The following LEPR variants were observed in gnomAD, a reference collection of about 807,000 sequenced individuals.
The protein encoded by LEPR is OB receptor.
LEPR carries 56 observed loss-of-function variants against 114.7 expected under a neutral mutation model. That is an observed-to-expected ratio of 0.49 (90% CI 0.39 to 0.61). The LOEUF (loss-of-function observed/expected upper bound fraction) is 0.61, where lower values mean the gene tolerates loss of function less well. Among genes scored for constraint, LEPR ranks in the 20% least tolerant of loss-of-function variants. The pLI, the probability that LEPR is intolerant of heterozygous loss-of-function variation, is 0.00. For missense variants in LEPR, 1,202 were observed against 1,352.9 expected (o/e 0.89, Z 1.75); for synonymous variants, 443 against 461.4 (o/e 0.96, Z 0.51).
In LEPR at chr1:65,616,120, T is replaced by C; in HGVS notation, c.2108T>C (p.Phe703Ser). The stretch of plus-strand genomic sequence containing the variant: ...GTGGGAAATCACACGAAATTCACTT[T>C]CCTGTGGACAGAGCAAGCACATACT... ...EDVGNHTKFTFLWTEQAHTVT... is the reference protein window; with the variant it reads ...EDVGNHTKFTSLWTEQAHTVT... The change falls in exon 15 of 20, where the codon TTC (phenylalanine) becomes TCC (serine). Residue 703 changes from phenylalanine (F) to serine (S), a missense_variant. Transcript: ENST00000349533. 6.2e-7 allele frequency: 1 copy of C among 1,614,196 alleles called. No homozygotes were observed. The highest frequency in any genetic ancestry group is 8.5e-7 in the Non-Finnish European group (1 of 1,180,016).
intron 2 of LEPR, among the ~76,000 whole-genome samples, chr1:65,518,901 C>CT (rs1649451603): frequency 1.1e-5 from 1 of 93,920 alleles, no homozygotes; most frequent in Admixed American, 1.2e-4. Context: ...TTCTTTCTTT[C>CT]TTTCTTTCTT....
At chr1:65,625,588 G>T (rs1200170448) in intron 19 of LEPR, among the ~76,000 whole-genome samples, 1 of 152,086 alleles carries the variant, frequency 6.6e-6, no homozygotes, top group Non-Finnish European at 1.5e-5. Flanking sequence ...TAAACTACAT[G>T]TTGTGAAAGA....
In LEPR at chr1:65,619,931, A is replaced by G; in HGVS notation, c.2399A>G (p.His800Arg). ...TTTTACGTATTTTTCTCCTCAGATC[A>G]TTTTATCCCCATTGAGAAGTACCAG... ...SSVKKYYIHD[H>R]FIPIEKYQFS... Residue 800 changes from histidine (H) to arginine (R), a missense_variant, in exon 17 of 20, where the codon CAT becomes CGT. Transcript: ENST00000349533. The G allele has an allele frequency of 6.2e-7, 1 of 1,611,640 alleles. No individual in the cohort carries two copies. Among genetic ancestry groups the G allele is most frequent in the Non-Finnish European group, 8.5e-7 (1 of 1,178,188 alleles).
At chr1:65,577,348 T>A (rs1364468353) in intron 5 of LEPR, 1 of 153,088 alleles carries the variant, frequency 6.5e-6, no homozygotes, top group Admixed American at 6.6e-5. Flanking sequence ...TCCTTTCAAG[T>A]CATCAAGGTC....
In LEPR at chr1:65,570,588, A is replaced by G; in HGVS notation, c.156A>G (p.Gly52=). The change falls in exon 4 of 20, where the codon GGA becomes GGG. Residue 52 remains glycine (G), a synonymous_variant. Transcript: ENST00000349533. ...ATGACTACTTCCTTTTGCCTGCTGG[A>G]CTCTCAAAGAATACTTCAAATTCGA... The part of the protein sequence containing the change: ...STYDYFLLPA[G]LSKNTSNSNG... 6.2e-7 allele frequency: 1 copy of G among 1,613,940 alleles called. No individual in the cohort carries two copies. The highest frequency in any genetic ancestry group is 1.7e-5 in the Admixed American group (1 of 60,014).
intron 3 of LEPR, 136 bp from the exon 4 acceptor site, chr1:65,570,337 T>C (rs1181389069): frequency 3.8e-6 from 3 of 779,538 alleles, no homozygotes; most frequent in Non-Finnish European, 6.0e-6. Context: ...CACAAAGTTA[T>C]TCATTAGACA....
Position 65,618,050 on chromosome 1 carries a change from C to A in LEPR, c.2299C>A (p.Leu767Ile). The change falls in exon 16 of 20, where the codon CTA becomes ATA. Residue 767 changes from leucine to isoleucine, a missense_variant. By Grantham distance (5) the Leu-to-Ile change is conservative (BLOSUM62 2). Coordinates refer to ENST00000349533, the MANE Select transcript of LEPR (RefSeq NM_002303.6). ...GATACTATCACCCAGTGATTACAAG[C>A]TAATGTATTTTATTATTGAGTGGAA... ...SWILSPSDYK[L>I]MYFIIEWKNL... 1 of 1,612,754 alleles carries A rather than the reference C, an allele frequency of 6.2e-7. No homozygotes were observed. Among genetic ancestry groups the A allele is most frequent in the Non-Finnish European group, 8.5e-7 (1 of 1,179,418 alleles).
At chr1:65,543,907 T>A (rs1179586484) in intron 2 of LEPR, among the ~76,000 whole-genome samples, 1 of 151,988 alleles carries the variant, frequency 6.6e-6, no homozygotes, top group Admixed American at 6.5e-5. Context: ...GTGTGATGCC[T>A]CCAGTTTTGT....
At chr1:65,428,903 A>C (rs911446666) in intron 2 of LEPR, among the ~76,000 whole-genome samples, 54 of 152,242 alleles carry the variant, frequency 3.5e-4, no homozygotes, top group African/African-American at 1.2e-3. Flanking sequence ...GCATTACACT[A>C]TTAATTGTGA....
At chr1:65,548,392 A>G (rs1441253572) in intron 2 of LEPR, among the ~76,000 whole-genome samples, 17 of 152,048 alleles carry the variant, frequency 1.1e-4, no homozygotes, top group Non-Finnish European at 2.2e-4. Flanking sequence ...TGATCTGTCT[A>G]ATGTTGACAG....
intron 2 of LEPR, among the ~76,000 whole-genome samples, chr1:65,468,979 T>C (rs1647050204): frequency 6.6e-6 from 1 of 152,248 alleles, no homozygotes; most frequent in South Asian, 2.1e-4. Context: ...ATGCATTTTC[T>C]GGTATTTCAA....
intron 2 of LEPR, among the ~76,000 whole-genome samples, chr1:65,522,605 C>A (rs1053329928): frequency 1.3e-5 from 2 of 152,086 alleles, no homozygotes; most frequent in Non-Finnish European, 2.9e-5. Context: ...CAAGAAGTGG[C>A]GTATCAATAT....
chr1:65,525,115 A>G (rs1276062749), intron 2 of LEPR, among the ~76,000 whole-genome samples: 3 of 152,220 alleles, frequency 2.0e-5, no homozygotes, highest in African/African-American at 7.2e-5. Flanking sequence ...CCTGATAAGC[A>G]TGACGAAGAT....
chr1:65,432,244 G>A (rs1031007663), intron 2 of LEPR: 2 of 1,010,712 alleles, frequency 2.0e-6, no homozygotes, highest in African/African-American at 1.7e-5. Flanking sequence ...GCTTGGGGAT[G>A]TGCTTGGAGA....
intron 19 of LEPR, chr1:65,635,115 T>C: frequency 1.1e-6 from 1 of 927,280 alleles, no homozygotes; most frequent in Non-Finnish European, 1.3e-6. Context: ...TGGAATATGC[T>C]TGCCATTATG....
chr1:65,421,327 G>C, intron 1 of LEPR: 1 of 1,533,096 alleles, frequency 6.5e-7, no homozygotes, highest in Non-Finnish European at 8.7e-7. Context: ...TTTATGGACA[G>C]AGAAGAAACC....
Position 65,572,357 on chromosome 1 carries a change from A to T in LEPR, c.402A>T (p.Lys134Asn). The change falls in exon 5 of 20, where the codon AAA (lysine) becomes AAT (asparagine). Residue 134 changes from lysine to asparagine, a missense_variant. By Grantham distance (94) the Lys-to-Asn change is moderately conservative (BLOSUM62 0). Transcript: ENST00000349533. ...ACTGGAACATACAGTGCTGGCTAAA[A>T]GGAGACTTAAAATTATTCATCTGTT... Reference protein sequence around the residue: ...DANWNIQCWLKGDLKLFICYV... With the variant: ...DANWNIQCWLNGDLKLFICYV... 1 of 1,589,002 alleles carries T rather than the reference A, an allele frequency of 6.3e-7. No individual in the cohort carries two copies. The highest frequency in any genetic ancestry group is 1.1e-5 in the South Asian group (1 of 88,190).
chr1:65,486,980 A>G (rs930166831), intron 2 of LEPR, among the ~76,000 whole-genome samples: 3 of 152,180 alleles, frequency 2.0e-5, no homozygotes, highest in African/African-American at 4.8e-5. Context: ...AAGGTTGCCT[A>G]TGTTAGTTCT....
rs1054129376 is a variant in LEPR, at chr1:65,639,759, G to T, written c.*2744G>T. The T allele has an allele frequency of 2.6e-5, 4 of 152,100 alleles. No homozygotes were observed. Among genetic ancestry groups the T allele is most frequent in the Non-Finnish European group, 5.9e-5 (4 of 68,016 alleles). The allele number at this position is 152,100 out of a possible 1,614,324, so 9.4% of individuals were successfully genotyped here. A position where few individuals can be genotyped will look rare whatever the true frequency, so the allele number is the denominator to read the frequency against. ...AAAGCAACTCAGAAATTAATAATTTGTGCTGTGGCTTCAAGTTTAAATAGA... is the reference window on the plus strand; with the variant it reads ...AAAGCAACTCAGAAATTAATAATTTTTGCTGTGGCTTCAAGTTTAAATAGA... On this transcript the variant is annotated 3_prime_UTR_variant, in exon 20 of 20. Transcript: ENST00000349533.
Sources: allele counts gnomAD v4.1 joint callset (sites outside exome capture counted in the v4.1 genomes callset), GRCh38; gene constraint gnomAD v4.1.1; transcripts MANE v1.5; gene names NCBI Gene and HGNC (gene_info 2026-07-23, HGNC 2026-07-21).